Variants in STK24 observed in about 807,000 individuals in gnomAD.
STK24 encodes serine/threonine kinase 24.
A neutral mutation model predicts 55.6 loss-of-function variants in STK24; 21 were observed. The observed-to-expected ratio is 0.38, with a 90% CI of 0.27 to 0.54. STK24 has a LOEUF of 0.54. Among genes scored for constraint, STK24 ranks in the 20% least tolerant of loss-of-function variants. The pLI, the probability that STK24 is intolerant of heterozygous loss-of-function variation, is 0.79. For synonymous variants in STK24, 200 were observed against 215.2 expected, an observed-to-expected ratio of 0.93 and a Z score of 0.62; for missense variants, 383 against 538.4, an observed-to-expected ratio of 0.71 and a Z score of 2.86.
chr13:98,564,735 A>G (rs1897521814), intron 1 of STK24, among the ~76,000 whole-genome samples: 1 of 152,100 alleles, frequency 6.6e-6, no homozygotes, highest in South Asian at 2.1e-4. Flanking sequence ...TGAGAGATGC[A>G]CTCCTTATGA....
At chr13:98,486,703 C>A (rs1566363141) in intron 2 of STK24, among the ~76,000 whole-genome samples, 1 of 152,204 alleles carries the variant, frequency 6.6e-6, no homozygotes, top group African/African-American at 2.4e-5. Flanking sequence ...AATCACCCAA[C>A]AGAGAACCGC....
chr13:98,492,792 C>T (rs1895091298), intron 2 of STK24, among the ~76,000 whole-genome samples: 1 of 152,174 alleles, frequency 6.6e-6, no homozygotes, highest in Non-Finnish European at 1.5e-5. Context: ...TCCTGTCTCC[C>T]CTTAGGTAAT....
intron 2 of STK24, among the ~76,000 whole-genome samples, chr13:98,494,194 G>A (rs1196685623): frequency 1.4e-5 from 2 of 145,090 alleles, no homozygotes; most frequent in African/African-American, 5.0e-5. Context: ...GGTGGATCAC[G>A]AGGTCAGGAG....
Position 98,446,976 on chromosome 13 carries a change from C to G in STK24, c.*6197G>C, listed in dbSNP as rs1892885670. The G allele has an allele frequency of 5.6e-6, 4 of 719,192 alleles. No individual in the cohort carries two copies. Among genetic ancestry groups the G allele is most frequent in the Non-Finnish European group, 9.1e-6 (4 of 438,346 alleles). The allele number at this position is 719,192 out of a possible 1,614,324, so 44.6% of individuals were successfully genotyped here. A position where few individuals can be genotyped will look rare whatever the true frequency, so the allele number is the denominator to read the frequency against. On this transcript the variant is annotated 3_prime_UTR_variant, in exon 11 of 11. Coordinates refer to ENST00000539966, the MANE Select transcript of STK24 (RefSeq NM_001032296.4). ...CACTGCCCGACACCAGCAGGCGATT[C>G]TGTTCTCATGGCAGAAAGTGGGGTC...
At chr13:98,520,712 C>G (rs1896229212) in intron 1 of STK24, among the ~76,000 whole-genome samples, 1 of 152,250 alleles carries the variant, frequency 6.6e-6, no homozygotes, top group Non-Finnish European at 1.5e-5. Flanking sequence ...CAAGGTGAGA[C>G]ACACTGAGTT....
chr13:98,546,472 G>A (rs1594659267), intron 1 of STK24, among the ~76,000 whole-genome samples: 1 of 152,104 alleles, frequency 6.6e-6, no homozygotes, highest in African/African-American at 2.4e-5. Context: ...ATCTATGCCA[G>A]AAGGAGACCA....
intron 2 of STK24, among the ~76,000 whole-genome samples, chr13:98,510,891 C>T (rs1200322067): frequency 6.6e-6 from 1 of 152,132 alleles, no homozygotes; most frequent in African/African-American, 2.4e-5. Context: ...AATTGTAGAT[C>T]GGTAAAGGTT....
chr13:98,504,755 A>G (rs1895624750), intron 2 of STK24, among the ~76,000 whole-genome samples: 1 of 152,112 alleles, frequency 6.6e-6, no homozygotes. Context: ...AGGAAGGGCT[A>G]TTTTTCACCT....
At chr13:98,563,509 A>G (rs1487707789) in intron 1 of STK24, among the ~76,000 whole-genome samples, 1 of 152,172 alleles carries the variant, frequency 6.6e-6, no homozygotes, top group Non-Finnish European at 1.5e-5. Context: ...GATGTGGTCA[A>G]TCCCCTAAGT....
chr13:98,478,177 T>C (rs1013971471), intron 3 of STK24, among the ~76,000 whole-genome samples: 7 of 152,294 alleles, frequency 4.6e-5, no homozygotes, highest in East Asian at 3.9e-4. Context: ...ATTGCGACCA[T>C]GCTCTCCATC....
chr13:98,466,373 T>C lies in STK24; in HGVS notation c.783+3A>G. 1 of 1,611,826 alleles carries C rather than the reference T, an allele frequency of 6.2e-7. No individual in the cohort carries two copies. ...GGTACGCTGTGATCCCTGGGAAACT[T>C]ACAAAGCTCGGCTCCTTATTCAAAC... On this transcript the variant is annotated splice_donor_region_variant and intron_variant, in intron 6 of 10. Coordinates refer to ENST00000539966, the MANE Select transcript of STK24 (RefSeq NM_001032296.4).
intron 10 of STK24, chr13:98,454,372 C>A (rs1178482891): frequency 1.3e-5 from 2 of 152,150 alleles, no homozygotes; most frequent in Non-Finnish European, 2.9e-5. Flanking sequence ...ATCACAGGTC[C>A]AGGAGAGATG....
intron 1 of STK24, among the ~76,000 whole-genome samples, chr13:98,538,284 G>A (rs1427423829): frequency 1.4e-5 from 2 of 144,608 alleles, no homozygotes; most frequent in Non-Finnish European, 3.0e-5. Context: ...TGAGTACGGT[G>A]GCATGATCTC....
chr13:98,538,452 T>C (rs974248418), intron 1 of STK24, among the ~76,000 whole-genome samples: 6 of 151,984 alleles, frequency 3.9e-5, no homozygotes, highest in Non-Finnish European at 7.4e-5. Context: ...CTCAAACTCC[T>C]GACCTCAGGT....
intron 2 of STK24, among the ~76,000 whole-genome samples, chr13:98,483,032 T>G (rs972176743): frequency 1.3e-5 from 2 of 152,248 alleles, no homozygotes; most frequent in African/African-American, 4.8e-5. Flanking sequence ...TTCAAGCTAC[T>G]CAGCCCTCAT....
intron 2 of STK24, among the ~76,000 whole-genome samples, chr13:98,499,910 T>G (rs1467369228): frequency 2.0e-5 from 3 of 152,164 alleles, no homozygotes; most frequent in Non-Finnish European, 4.4e-5. Context: ...CAAAAAGATT[T>G]CAGGATAACA....
chr13:98,552,715 T>C (rs1897186411), intron 1 of STK24, among the ~76,000 whole-genome samples: 2 of 151,988 alleles, frequency 1.3e-5, no homozygotes, highest in Admixed American at 1.3e-4. Flanking sequence ...GGACCCAGGA[T>C]CTGCCACTCC....
chr13:98,505,370 T>C (rs1895646490), intron 2 of STK24, among the ~76,000 whole-genome samples: 1 of 152,230 alleles, frequency 6.6e-6, no homozygotes, highest in Admixed American at 6.5e-5. Flanking sequence ...AAATATATGA[T>C]CAATAATGAC....
At chr13:98,529,401 T>G in intron 1 of STK24, among the ~76,000 whole-genome samples, 1 of 152,242 alleles carries the variant, frequency 6.6e-6, no homozygotes, top group Middle Eastern at 3.4e-3. Flanking sequence ...TGACCTGCTG[T>G]CAGAGTTGAT....
Sources: allele counts gnomAD v4.1 joint callset (sites outside exome capture counted in the v4.1 genomes callset), GRCh38; gene constraint gnomAD v4.1.1; transcripts MANE v1.5; gene names NCBI Gene and HGNC (gene_info 2026-07-23, HGNC 2026-07-21).